Variants in TREM1 observed in about 807,000 individuals in gnomAD.
The protein encoded by TREM1 is triggering receptor expressed on monocytes 1.
TREM1 carries 16 observed loss-of-function variants against 22.4 expected under a neutral mutation model. The ratio of observed to expected loss-of-function variants is 0.71; its 90% CI spans 0.48 to 1.08. The LOEUF is 1.08. Ranked by LOEUF, TREM1 falls within the 50% of genes least tolerant of loss-of-function variation. The probability of loss-of-function intolerance (pLI) is 0.00; values close to 1 mark genes in which losing one functional copy is unlikely to be tolerated. For synonymous variants in TREM1, 110 were observed against 111.6 expected (o/e 0.99, Z 0.09); for missense variants, 283 against 282.9 (o/e 1.00, Z 0.00).
At chr6:41,267,715 A>G (rs193145127), downstream of TREM1, among the ~76,000 whole-genome samples, 182 of 152,328 alleles carry the variant, frequency 1.2e-3, 1 homozygote, top group African/African-American at 4.3e-3. Flanking sequence ...TAACATAGCA[A>G]GACTCCATCT....
intron 1 of TREM1, among the ~76,000 whole-genome samples, chr6:41,284,786 T>C (rs1008799591): frequency 2.0e-5 from 3 of 152,142 alleles, no homozygotes; most frequent in Admixed American, 6.5e-5. Flanking sequence ...AAGACTCAAC[T>C]CAGGGACTCA....
At chr6:41,278,780 C>T (rs1293045215) in intron 3 of TREM1, among the ~76,000 whole-genome samples, 1 of 152,046 alleles carries the variant, frequency 6.6e-6, no homozygotes, top group African/African-American at 2.4e-5. Flanking sequence ...ATAAAGTTAA[C>T]AGATAAAAGA....
downstream of TREM1, among the ~76,000 whole-genome samples, chr6:41,272,683 G>A (rs760162394): frequency 1.3e-5 from 2 of 152,126 alleles, no homozygotes; most frequent in Non-Finnish European, 2.9e-5. Flanking sequence ...GGACCCTGCA[G>A]CATGTCTCGG....
downstream of TREM1, among the ~76,000 whole-genome samples, chr6:41,269,517 T>C (rs1466381608): frequency 6.6e-6 from 1 of 152,226 alleles, no homozygotes; most frequent in East Asian, 1.9e-4. Flanking sequence ...ACAGCAGCAC[T>C]TATTTCAGAG....
chr6:41,272,753 C>A (rs1374653910), downstream of TREM1, among the ~76,000 whole-genome samples: 1 of 152,148 alleles, frequency 6.6e-6, no homozygotes, highest in Admixed American at 6.5e-5. Flanking sequence ...CCTGTCCAGG[C>A]ACAGGCATGG....
intron 3 of TREM1, 103 bp downstream of exon 3, chr6:41,280,858 C>T (rs752825391): frequency 6.4e-7 from 1 of 1,574,254 alleles, no homozygotes; most frequent in Admixed American, 1.9e-5. Context: ...CTTCTCCTGC[C>T]CCACCCTCCC....
In TREM1 at chr6:41,276,188, G is replaced by C. The variant is rs2234245; in HGVS notation, c.642C>G (p.Phe214Leu). Reference sequence around the variant, plus strand: ...CAGAGAAGACCAGGCTCTTACTCAGGAATCCACCAGCCAGGAGAATGACAA... The same window carrying C: ...CAGAGAAGACCAGGCTCTTACTCAGCAATCCACCAGCCAGGAGAATGACAA... The part of the protein sequence containing the change: ...FNIVILLAGG[F>L]LSKSLVFSVL... Residue 214 changes from phenylalanine to leucine, a missense_variant, in exon 4 of 4, where the codon TTC (phenylalanine) becomes TTG (leucine). Physicochemically the swap from Phe to Leu is conservative, Grantham distance 22 (BLOSUM62 0). Coordinates refer to ENST00000244709, the MANE Select transcript of TREM1 (RefSeq NM_018643.5). The C allele has an allele frequency of 4.3e-3, 6,961 of 1,614,018 alleles. 231 individuals are homozygous for C. The African/African-American group carries it at 0.074, about 17-fold the overall frequency.
rs1419069271 is a variant in TREM1, at chr6:41,274,321, G to A, written c.*1804C>T. Among the ~76,000 whole-genome samples, 3 of 152,158 alleles carry A rather than the reference G, an allele frequency of 2.0e-5. No homozygotes were observed. Among genetic ancestry groups the A allele is most frequent in the African/African-American group, 7.2e-5 (3 of 41,414 alleles). On this transcript the variant is annotated 3_prime_UTR_variant, in exon 4 of 4. Transcript: ENST00000244709. ...AAAGCATTTGCTTTATGCTCCAGGA[G>A]AATCTGATGCGGTGGCCTAAAGACC...
chr6:41,268,990 G>C (rs1277099262), downstream of TREM1, among the ~76,000 whole-genome samples: 1 of 152,080 alleles, frequency 6.6e-6, no homozygotes, highest in African/African-American at 2.4e-5. Context: ...CCTTTGCTTG[G>C]TCAACTGTTT....
At chr6:41,268,987 T>C (rs976074183), downstream of TREM1, among the ~76,000 whole-genome samples, 1 of 152,204 alleles carries the variant, frequency 6.6e-6, no homozygotes, top group African/African-American at 2.4e-5. Flanking sequence ...GTCCCTTTGC[T>C]TGGTCAACTG....
downstream of TREM1, among the ~76,000 whole-genome samples, chr6:41,273,033 G>A (rs1464117004): frequency 1.3e-5 from 2 of 152,130 alleles, no homozygotes; most frequent in African/African-American, 2.4e-5. Flanking sequence ...CCCGGCAGCT[G>A]TGCTGCAGGC....
At chr6:41,279,719 A>G (rs1425685644) in intron 3 of TREM1, 1 of 985,304 alleles carries the variant, frequency 1.0e-6, no homozygotes, top group Non-Finnish European at 1.2e-6. Context: ...CACACTATTT[A>G]ATGATTTAAA....
intron 2 of TREM1, chr6:41,281,947 G>A (rs1183413001): frequency 6.0e-6 from 1 of 166,428 alleles, no homozygotes; most frequent in Non-Finnish European, 1.3e-5. Context: ...CATCACCTGG[G>A]AGATCAATAG....
At chr6:41,267,960 C>G (rs1582132202) in exon 4 of TREM1, 2 of 398,646 alleles carry the variant, frequency 5.0e-6, no homozygotes, top group Non-Finnish European at 8.8e-6. Context: ...TCCTTTATAA[C>G]ATGAATGCAA....
downstream of TREM1, among the ~76,000 whole-genome samples, chr6:41,273,194 A>G (rs1185373959): frequency 1.3e-5 from 2 of 152,184 alleles, no homozygotes; most frequent in Non-Finnish European, 2.9e-5. Flanking sequence ...GGCCTCCAGT[A>G]TCCAGGGCAG....
chr6:41,283,631 G>T (rs1222531195), intron 1 of TREM1, among the ~76,000 whole-genome samples: 2 of 151,994 alleles, frequency 1.3e-5, no homozygotes, highest in Non-Finnish European at 2.9e-5. Context: ...AGAATCACTT[G>T]AACCCGGGAG....
At chr6:41,283,358 G>C (rs543557074) in intron 1 of TREM1, among the ~76,000 whole-genome samples, 1 of 152,272 alleles carries the variant, frequency 6.6e-6, no homozygotes, top group South Asian at 2.1e-4. Flanking sequence ...TGGCTCTACT[G>C]TTGGGGCAGC....
chr6:41,276,062 C>A lies in TREM1; in HGVS notation c.*63G>T. ...CTGCCTTTTACCTCCTCCCTCCTCC[C>A]TTGGCACAACTGCCAGATGGATGTG... On this transcript the variant is annotated 3_prime_UTR_variant, in exon 4 of 4. Coordinates refer to ENST00000244709, the MANE Select transcript of TREM1 (RefSeq NM_018643.5). 7.7e-7 allele frequency: 1 copy of A among 1,305,922 alleles called. No homozygotes were observed. The highest frequency in any genetic ancestry group is 1.2e-5 in the South Asian group (1 of 84,798). The allele number at this position is 1,305,922 out of a possible 1,614,324, so 80.9% of individuals were successfully genotyped here.
intron 1 of TREM1, among the ~76,000 whole-genome samples, chr6:41,285,303 A>G (rs1460481641): frequency 6.6e-6 from 1 of 152,224 alleles, no homozygotes; most frequent in East Asian, 1.9e-4. Context: ...AATACTACCT[A>G]TTAAGTATTA....
Sources: allele counts gnomAD v4.1 joint callset (sites outside exome capture counted in the v4.1 genomes callset), GRCh38; gene constraint gnomAD v4.1.1; transcripts MANE v1.5; gene names NCBI Gene and HGNC (gene_info 2026-07-23, HGNC 2026-07-21).